The following UBE2Z variants were observed in gnomAD, a reference collection of about 807,000 sequenced individuals.
UBE2Z encodes ubiquitin conjugating enzyme E2 Z, also known as ubiquitin-conjugating enzyme E2 Z.
UBE2Z carries 10 observed loss-of-function variants against 32.6 expected under a neutral mutation model. The ratio of observed to expected loss-of-function variants is 0.31; its 90% CI spans 0.19 to 0.52. UBE2Z has a LOEUF of 0.52. Among genes scored for constraint, UBE2Z ranks in the 20% least tolerant of loss-of-function variants. The pLI, the probability that UBE2Z is intolerant of heterozygous loss-of-function variation, is 0.97. For missense variants in UBE2Z, 343 were observed against 480.9 expected (o/e 0.71, Z 2.68); for synonymous variants, 183 against 190.8 (o/e 0.96, Z 0.34).
intron 3 of UBE2Z, among the ~76,000 whole-genome samples, chr17:48,913,317 ACT>A (rs1272135365): frequency 6.6e-6 from 1 of 151,630 alleles, no homozygotes; most frequent in African/African-American, 2.4e-5. Context: ...TACAAAAGAA[ACT>A]CTGGGGTTGG....
intron 3 of UBE2Z, chr17:48,915,864 T>TGGGGGGGGGG: frequency 2.9e-6 from 1 of 342,848 alleles, no homozygotes; most frequent in Non-Finnish European, 4.9e-6. Context: ...CCTGTTCTTT[T>TGGGGGGGGGG]GCCCCCCCCC....
chr17:48,914,579 C>T (rs144648143), intron 3 of UBE2Z, among the ~76,000 whole-genome samples: 186 of 152,268 alleles, frequency 1.2e-3, no homozygotes, highest in South Asian at 3.9e-3. Flanking sequence ...TTCGCGAAAG[C>T]GTGTCTCAAA....
chr17:48,910,915 G>A (rs2040672569), intron 2 of UBE2Z, 35 bp downstream of exon 2: 2 of 1,547,904 alleles, frequency 1.3e-6, no homozygotes, highest in Admixed American at 1.7e-5. Context: ...GGGGTTTTGG[G>A]AAATTGGGGG....
chr17:48,917,888 A>G (rs2040731650), intron 4 of UBE2Z, among the ~76,000 whole-genome samples: 2 of 152,226 alleles, frequency 1.3e-5, no homozygotes, highest in South Asian at 4.1e-4. Context: ...AGTTCCAGTG[A>G]TAGTCCCAAA....
Position 48,922,846 on chromosome 17 carries a change from G to A in UBE2Z, c.804-1G>A. 6.2e-7 allele frequency: 1 copy of A among 1,609,922 alleles called. No individual in the cohort carries two copies. Among genetic ancestry groups the A allele is most frequent in the Non-Finnish European group, 8.5e-7 (1 of 1,176,938 alleles). On this transcript the variant is annotated splice_acceptor_variant, in intron 5 of 6. Transcript: ENST00000360943. LOFTEE classifies it high-confidence loss of function. Reference sequence around the variant, plus strand: ...CTTACACTTTTCTGCTTGTTTTCCAGAGGGGTGATGGAGAAGTCCTTTCTG... The same window carrying A: ...CTTACACTTTTCTGCTTGTTTTCCAAAGGGGTGATGGAGAAGTCCTTTCTG...
intron 1 of UBE2Z, among the ~76,000 whole-genome samples, chr17:48,909,773 TC>T (rs1388723164): frequency 1.3e-5 from 2 of 152,082 alleles, no homozygotes; most frequent in African/African-American, 4.8e-5. Flanking sequence ...GTTTGACTTC[TC>T]CCCATGCCCC....
intron 1 of UBE2Z, chr17:48,910,505 T>G: frequency 9.8e-6 from 3 of 306,478 alleles, no homozygotes; most frequent in East Asian, 1.2e-4. Context: ...GAAGTGAGAG[T>G]AAGTGGAAAG....
rs71144542 is a variant in UBE2Z at position 48,918,746 on chromosome 17, C to CTT, written c.691-2398_691-2397dup. Among the ~76,000 whole-genome samples the CTT allele has an allele frequency of 3.1e-3, 394 of 127,330 alleles. 5 individuals carry two copies. Among genetic ancestry groups the CTT allele is most frequent in the East Asian group, 5.9e-3 (26 of 4,414 alleles). 83.5% of individuals were successfully genotyped at this position (127,330 alleles called of 152,430 possible). On this transcript the variant is annotated intron_variant, in intron 4 of 6. Transcript: ENST00000360943. The stretch of plus-strand genomic sequence containing the variant: ...GCAGGAGCTGATTTTTAGGTCTTGT[C>CTT]TTTTTTTTTTTTTTTTTGGAGGCAG...
chr17:48,909,775 C>G (rs2143755521), intron 1 of UBE2Z, among the ~76,000 whole-genome samples: 1 of 152,154 alleles, frequency 6.6e-6, no homozygotes, highest in East Asian at 1.9e-4. Flanking sequence ...TTGACTTCTC[C>G]CCATGCCCCC....
chr17:48,926,298 A>T (rs2040797624), intron 6 of UBE2Z, among the ~76,000 whole-genome samples: 1 of 152,176 alleles, frequency 6.6e-6, no homozygotes, highest in Non-Finnish European at 1.5e-5. Flanking sequence ...TGTGGTTTTT[A>T]TGAGGTTAAT....
At chr17:48,913,129 A>G (rs1262237865) in intron 3 of UBE2Z, 108 bp downstream of exon 3, 3 of 1,088,852 alleles carry the variant, frequency 2.8e-6, no homozygotes, top group Non-Finnish European at 4.0e-6. Context: ...ACAGAAAATG[A>G]TTGAGTGACT....
At chr17:48,924,435 T>C (rs2040783307) in intron 6 of UBE2Z, among the ~76,000 whole-genome samples, 1 of 152,212 alleles carries the variant, frequency 6.6e-6, no homozygotes, top group Non-Finnish European at 1.5e-5. Context: ...AAGATTCCTA[T>C]TCAAAGATGA....
intron 4 of UBE2Z, among the ~76,000 whole-genome samples, chr17:48,918,661 C>G (rs1598074735): frequency 6.6e-6 from 1 of 152,060 alleles, no homozygotes; most frequent in Non-Finnish European, 1.5e-5. Context: ...TATTTCCTAA[C>G]CCATCCTTTC....
At chr17:48,911,499 A>T (rs1427839258) in intron 2 of UBE2Z, 1 of 152,350 alleles carries the variant, frequency 6.6e-6, no homozygotes, top group Non-Finnish European at 1.5e-5. Flanking sequence ...TACCCACAGA[A>T]GTGCAGTTGC....
At chr17:48,925,482 C>G (rs2040791803) in intron 6 of UBE2Z, among the ~76,000 whole-genome samples, 1 of 152,098 alleles carries the variant, frequency 6.6e-6, no homozygotes, top group African/African-American at 2.4e-5. Flanking sequence ...TTCCACCCAC[C>G]TGTCTCATTT....
intron 6 of UBE2Z, among the ~76,000 whole-genome samples, chr17:48,924,198 G>T (rs1269176369): frequency 6.6e-6 from 1 of 152,076 alleles, no homozygotes; most frequent in Non-Finnish European, 1.5e-5. Flanking sequence ...GCAACTCCTG[G>T]GTTCAGGTGA....
rs529109663 is a variant in UBE2Z, at chr17:48,927,251, A to G, written c.*117A>G. ...TCCAGACTCGAAGTCATCCTGCAAG[A>G]TGGCAAGAACCAAGCAAGCTCCGAT... On this transcript the variant is annotated 3_prime_UTR_variant, in exon 7 of 7. Coordinates refer to ENST00000360943, the MANE Select transcript of UBE2Z (RefSeq NM_023079.5). 132 of 1,172,544 alleles carry G rather than the reference A, an allele frequency of 1.1e-4. 1 individual carries two copies. The highest frequency in any genetic ancestry group is 1.5e-4 in the Non-Finnish European group (123 of 836,640). 72.6% of individuals were successfully genotyped at this position (1,172,544 alleles called of 1,614,324 possible). A position where few individuals can be genotyped will look rare whatever the true frequency, so the allele number is the denominator to read the frequency against.
chr17:48,925,914 A>G (rs1444960380), intron 6 of UBE2Z, among the ~76,000 whole-genome samples: 5 of 152,194 alleles, frequency 3.3e-5, no homozygotes. Flanking sequence ...AGAGAAGCAA[A>G]CAATGTGAGA....
intron 3 of UBE2Z, among the ~76,000 whole-genome samples, chr17:48,914,791 G>A (rs2040707852): frequency 1.3e-5 from 2 of 152,112 alleles, no homozygotes; most frequent in Admixed American, 6.5e-5. Flanking sequence ...TTGGGAGGCC[G>A]AGGCGGGTGG....
Sources: allele counts gnomAD v4.1 joint callset (sites outside exome capture counted in the v4.1 genomes callset), GRCh38; gene constraint gnomAD v4.1.1; transcripts MANE v1.5; gene names NCBI Gene and HGNC (gene_info 2026-07-23, HGNC 2026-07-21).